ARHGAP26: variants seen among roughly 807,000 people sequenced by gnomAD.
ARHGAP26 encodes rho GTPase-activating protein 26.
ARHGAP26 carries 38 observed loss-of-function variants against 104.8 expected under a neutral mutation model. That is an observed-to-expected ratio of 0.36 (90% CI 0.28 to 0.48). The LOEUF (loss-of-function observed/expected upper bound fraction) is 0.48, where lower values mean the gene tolerates loss of function less well. ARHGAP26 is among the 20% of genes least tolerant of loss of function. The pLI, the probability that ARHGAP26 is intolerant of heterozygous loss-of-function variation, is 0.99. For missense variants in ARHGAP26, 704 were observed against 947.9 expected, an observed-to-expected ratio of 0.74 and a Z score of 3.38; for synonymous variants, 341 against 340.0, an observed-to-expected ratio of 1.00 and a Z score of -0.03.
chr5:142,813,177 G>A (rs538374685), intron 1 of ARHGAP26, among the ~76,000 whole-genome samples: 49 of 152,210 alleles, frequency 3.2e-4, no homozygotes, highest in African/African-American at 5.3e-4. Flanking sequence ...TCCTGACCTC[G>A]TGATCCACCC....
chr5:142,853,399 C>T (rs1016139480), intron 1 of ARHGAP26, among the ~76,000 whole-genome samples: 7 of 151,966 alleles, frequency 4.6e-5, no homozygotes, highest in South Asian at 2.1e-4. Context: ...CCATGTTGGC[C>T]GGGCTGGTCT....
intron 6 of ARHGAP26, among the ~76,000 whole-genome samples, chr5:142,900,289 C>T (rs1340938282): frequency 6.6e-6 from 1 of 152,124 alleles, no homozygotes; most frequent in Non-Finnish European, 1.5e-5. Flanking sequence ...CATTCATTAT[C>T]AGTCTCTAGT....
chr5:142,991,932 T>C (rs887858334), intron 11 of ARHGAP26, among the ~76,000 whole-genome samples: 3 of 152,248 alleles, frequency 2.0e-5, no homozygotes, highest in Admixed American at 6.5e-5. Context: ...CAATTTATAC[T>C]TCCATGAGTT....
intron 17 of ARHGAP26, among the ~76,000 whole-genome samples, chr5:143,105,534 G>C (rs1473571420): frequency 6.6e-6 from 1 of 152,118 alleles, no homozygotes; most frequent in Non-Finnish European, 1.5e-5. Flanking sequence ...TCTGTGTGTG[G>C]GAATCATATG....
intron 9 of ARHGAP26, among the ~76,000 whole-genome samples, 165 bp downstream of exon 9, chr5:142,907,969 C>G (rs1267102209): frequency 2.0e-5 from 3 of 152,012 alleles, no homozygotes; most frequent in Admixed American, 6.6e-5. Flanking sequence ...GCCTAAGAGG[C>G]TGAAGAATCG....
At chr5:143,061,594 C>G (rs538892311) in intron 17 of ARHGAP26, among the ~76,000 whole-genome samples, 1 of 152,080 alleles carries the variant, frequency 6.6e-6, no homozygotes, top group Non-Finnish European at 1.5e-5. Context: ...TCTTGCTTCC[C>G]CAGAGAGATA....
At chr5:143,172,077 A>T (rs570095052) in intron 20 of ARHGAP26, among the ~76,000 whole-genome samples, 1 of 152,310 alleles carries the variant, frequency 6.6e-6, no homozygotes, top group African/African-American at 2.4e-5. Context: ...CTTGTCCCCT[A>T]TTGCCAGCTA....
intron 18 of ARHGAP26, among the ~76,000 whole-genome samples, chr5:143,125,504 CTGTCCTCCACCTCTCTCACGGACCTG>C (rs1374185502): frequency 1.3e-5 from 2 of 152,228 alleles, no homozygotes; most frequent in Non-Finnish European, 2.9e-5. Context: ...TCCAGAACTT[CTGTCCTCCACCTCTCTCACGGACCTG>C]GGAGGGAAGC....
chr5:143,076,359 T>C (rs1303772661), intron 17 of ARHGAP26, among the ~76,000 whole-genome samples: 1 of 152,092 alleles, frequency 6.6e-6, no homozygotes, highest in Non-Finnish European at 1.5e-5. Flanking sequence ...TCTAAGACAA[T>C]GTAAAGGAAT....
At position 142,882,361 on chromosome 5, in the gene ARHGAP26, A is replaced by G. The variant is rs888695957; in HGVS notation, c.384+2916A>G. ...CCTGAACATGAGAACAAGGTTGGTC[A>G]TGTAGTCATTCAATGTTAGTGATTA... On this transcript the variant is annotated intron_variant, in intron 4 of 22. Coordinates refer to ENST00000645722, the MANE Select transcript of ARHGAP26 (RefSeq NM_001135608.3). 3.9e-5 allele frequency among the ~76,000 whole-genome samples: 6 copies of G among 152,350 alleles called. No individual in the cohort carries two copies. The East Asian group carries it at 7.7e-4, about 20-fold the overall frequency.
rs574246699 is a variant in ARHGAP26 at position 142,907,814 on chromosome 5, T to G, written c.933+10T>G. The G allele has an allele frequency of 6.3e-7, 1 of 1,589,436 alleles. No individual in the cohort carries two copies. Among genetic ancestry groups the G allele is most frequent in the African/African-American group, 1.3e-5 (1 of 74,590 alleles). The stretch of plus-strand genomic sequence containing the variant: ...GTCAGGAGGAAAAGGGGTGAGTTCA[T>G]TTTTAAAATTTGATGTTTGATTTGC... On this transcript the variant is annotated intron_variant, in intron 9 of 22. Coordinates refer to ENST00000645722, the MANE Select transcript of ARHGAP26 (RefSeq NM_001135608.3).
At chr5:142,788,282 C>T (rs890264168) in intron 1 of ARHGAP26, among the ~76,000 whole-genome samples, 3 of 152,018 alleles carry the variant, frequency 2.0e-5, no homozygotes, top group Admixed American at 1.3e-4. Context: ...ATTACAGGCA[C>T]GAGACACCGC....
intron 1 of ARHGAP26, among the ~76,000 whole-genome samples, chr5:142,798,345 A>G (rs535875074): frequency 6.6e-6 from 1 of 152,162 alleles, no homozygotes; most frequent in Admixed American, 6.5e-5. Flanking sequence ...CTGATGCAGC[A>G]TTCCTCCGCT....
At chr5:142,937,798 AT>A (rs34147023) in intron 11 of ARHGAP26, among the ~76,000 whole-genome samples, 31,066 of 152,052 alleles carry the variant, frequency 0.2, 3,680 homozygotes, top group East Asian at 0.46. Flanking sequence ...TCAAAAAAAA[AT>A]ATACTTTAAT....
At position 143,134,103 on chromosome 5, in the gene ARHGAP26, A is replaced by T; in HGVS notation, c.1835A>T (p.Lys612Ile). 1.9e-6 allele frequency: 3 copies of T among 1,608,952 alleles called. No homozygotes were observed. The highest frequency in any genetic ancestry group is 2.5e-6 in the Non-Finnish European group (3 of 1,177,092). ...TLFHTVQSTE[K>I]QEQRNSIINS... is the part of the protein sequence containing the mutation. ...TTCCACACCGTTCAGTCAACAGAGA[A>T]ACGTGAGTCTTTGCTGCATAGGGCC... Residue 612 changes from lysine (K) to isoleucine (I), a missense_variant and splice_region_variant, in exon 19 of 23, where the codon AAA (lysine) becomes ATA (isoleucine). By Grantham distance (102) the Lys-to-Ile change is moderately radical. Transcript: ENST00000645722.
chr5:142,991,744 C>T (rs1775647662), intron 11 of ARHGAP26, among the ~76,000 whole-genome samples: 1 of 152,214 alleles, frequency 6.6e-6, no homozygotes, highest in African/African-American at 2.4e-5. Flanking sequence ...CAATAGGCTA[C>T]ACCATATAGC....
chr5:143,129,867 A>G (rs1451657998), intron 18 of ARHGAP26, among the ~76,000 whole-genome samples: 2 of 152,204 alleles, frequency 1.3e-5, no homozygotes, highest in African/African-American at 2.4e-5. Context: ...CAGGTATTAG[A>G]TCCTTGCTTG....
intron 3 of ARHGAP26, among the ~76,000 whole-genome samples, chr5:142,876,198 C>T (rs868360032): frequency 8.5e-4 from 130 of 152,256 alleles, no homozygotes; most frequent in African/African-American, 2.9e-3. Flanking sequence ...GCTAGGAGGG[C>T]GTGTCTTCAG....
intron 20 of ARHGAP26, among the ~76,000 whole-genome samples, chr5:143,156,348 G>A (rs6887887): frequency 0.13 from 19,620 of 152,180 alleles, 1,469 homozygotes; most frequent in Middle Eastern, 0.21. Context: ...GATCTGGAAA[G>A]CCAGGCAGGA....
Sources: gnomAD v4.1 joint callset for allele counts (sites outside exome capture counted in the v4.1 genomes callset) on GRCh38, gnomAD v4.1.1 for gene constraint, MANE v1.5 for transcripts, NCBI Gene and HGNC (gene_info 2026-07-23, HGNC 2026-07-21) for gene names.